Variants in ADORA2A observed in about 807,000 individuals in gnomAD.
ADORA2A encodes adenosine A2a receptor.
A neutral mutation model predicts 18.4 loss-of-function variants in ADORA2A; 11 were observed. That is an observed-to-expected ratio of 0.60 (90% CI 0.38 to 0.99). The LOEUF (loss-of-function observed/expected upper bound fraction) is 0.99. ADORA2A is among the 50% of genes least tolerant of loss of function. The probability of loss-of-function intolerance (pLI) is 0.01; values close to 1 mark genes in which losing one functional copy is unlikely to be tolerated. For synonymous variants in ADORA2A, 218 were observed against 237.3 expected (o/e 0.92, Z 0.75); for missense variants, 449 against 556.1 (o/e 0.81, Z 1.94).
chr22:24,433,085 C>T (rs201806972), intron 1 of ADORA2A, 46 bp from the exon 2 acceptor site: 15 of 469,164 alleles, frequency 3.2e-5, no homozygotes, highest in East Asian at 7.8e-5. Context: ...CCGCAGGGCT[C>T]GCCCTCTGCA....
chr22:24,432,251 A>C (rs565525631), intron 1 of ADORA2A: 2 of 152,894 alleles, frequency 1.3e-5, no homozygotes, highest in African/African-American at 4.8e-5. Context: ...GCGCAGTATG[A>C]GAGGGCTTAC....
At chr22:24,424,826 G>A (rs1022608856), upstream of ADORA2A, among the ~76,000 whole-genome samples, 4 of 152,030 alleles carry the variant, frequency 2.6e-5, no homozygotes, top group Non-Finnish European at 5.9e-5. The surrounding 1 kb of genome is among the most constrained non-coding windows in gnomAD (Gnocchi z 4.9). Flanking sequence ...AGGGCTTGAG[G>A]AGGAGGCCGC....
rs751998595 is a variant in ADORA2A at position 24,433,506 on chromosome 22, C to A, written c.102C>A (p.Asn34Lys). 6.2e-7 allele frequency: 1 copy of A among 1,614,100 alleles called. No homozygotes were observed. The highest frequency in any genetic ancestry group is 8.5e-7 in the Non-Finnish European group (1 of 1,180,058). The change falls in exon 2 of 3, where the codon AAC becomes AAA. Residue 34 changes from asparagine to lysine, a missense_variant. Coordinates refer to ENST00000337539, the MANE Select transcript of ADORA2A (RefSeq NM_000675.6). Reference protein sequence around the residue: ...NVLVCWAVWLNSNLQNVTNYF... With the variant: ...NVLVCWAVWLKSNLQNVTNYF... ...TGGTGTGCTGGGCCGTGTGGCTCAACAGCAACCTGCAGAACGTCACCAACT... is the reference window on the plus strand; with the variant it reads ...TGGTGTGCTGGGCCGTGTGGCTCAAAAGCAACCTGCAGAACGTCACCAACT...
rs1381479523 is a variant in ADORA2A, at chr22:24,441,202, GGCACCAGT to G, written c.955_962del (p.Thr319ProfsTer9). On this transcript the variant is annotated frameshift_variant, in exon 3 of 3. Transcript: ENST00000337539. LOFTEE classifies it low-confidence loss of function (END_TRUNC). ...GCAGCAAGAACCTTTCAAGGCAGCT[GGCACCAGT>G]GCCCGGGTCTTGGCAGCTCATGGCA... 2.5e-6 allele frequency: 4 copies of G among 1,613,996 alleles called. No individual in the cohort carries two copies. In the African/African-American group the frequency reaches 5.3e-5, roughly 22 times the overall value.
At chr22:24,431,320 G>A (rs975124128) in intron 1 of ADORA2A, 9 of 456,688 alleles carry the variant, frequency 2.0e-5, no homozygotes, top group Admixed American at 9.4e-5. Context: ...TCCTAGTAGG[G>A]GCAAAAGGGC....
At chr22:24,431,689 G>C (rs991930293) in intron 1 of ADORA2A, 1 of 357,784 alleles carries the variant, frequency 2.8e-6, no homozygotes, top group Non-Finnish European at 5.5e-6. Context: ...GTTCAGGATT[G>C]GAGGGGGTAG....
rs2043092242 is a variant in ADORA2A at position 24,433,391 on chromosome 22, TGTC to T, written c.-10_-8del. On this transcript the variant is annotated 5_prime_UTR_variant, in exon 2 of 3. Transcript: ENST00000337539. The stretch of plus-strand genomic sequence containing the variant: ...AGCCCGCGTCCGTGCTGAGCCTGCC[TGTC>T]GTCTGTGGCCATGCCCATCATGGGC... The T allele has an allele frequency of 6.2e-7, 1 of 1,600,894 alleles. No homozygotes were observed.
In ADORA2A at chr22:24,441,127, C is replaced by T. The variant is rs142560733; in HGVS notation, c.877C>T (p.Arg293Cys). Reference protein sequence around the residue: ...VNPFIYAYRIREFRQTFRKII... With the variant: ...VNPFIYAYRICEFRQTFRKII... ...TCCCTTCATCTACGCCTACCGTATC[C>T]GCGAGTTCCGCCAGACCTTCCGCAA... Residue 293 changes from arginine (R) to cysteine (C), a missense_variant, in exon 3 of 3, where the codon CGC becomes TGC. By Grantham distance (180) the Arg-to-Cys change is radical (BLOSUM62 -3). Transcript: ENST00000337539. The T allele has an allele frequency of 1.4e-5, 22 of 1,614,044 alleles. No homozygotes were observed. In the Admixed American group the frequency reaches 1.5e-4, roughly 11 times the overall value.
rs1408967991 is a variant in ADORA2A, at chr22:24,441,126, C to T, written c.876C>T (p.Ile292=). The T allele has an allele frequency of 6.2e-7, 1 of 1,614,078 alleles. No homozygotes were observed. Among genetic ancestry groups the T allele is most frequent in the African/African-American group, 1.3e-5 (1 of 74,940 alleles). Residue 292 remains isoleucine (I), a synonymous_variant, in exon 3 of 3, where the codon ATC becomes ATT. Coordinates refer to ENST00000337539, the MANE Select transcript of ADORA2A (RefSeq NM_000675.6). Reference sequence around the variant, plus strand: ...ATCCCTTCATCTACGCCTACCGTATCCGCGAGTTCCGCCAGACCTTCCGCA... The same window carrying T: ...ATCCCTTCATCTACGCCTACCGTATTCGCGAGTTCCGCCAGACCTTCCGCA... The part of the protein sequence containing the change: ...VVNPFIYAYR[I]REFRQTFRKI...
upstream of ADORA2A, among the ~76,000 whole-genome samples, chr22:24,426,263 C>T (rs886269375): frequency 3.9e-5 from 6 of 152,224 alleles, no homozygotes; most frequent in African/African-American, 9.6e-5. Flanking sequence ...CCTTCCCAAC[C>T]GTGTTTGCGG....
intron 2 of ADORA2A, 79 bp downstream of exon 2, chr22:24,433,815 C>A: frequency 2.0e-6 from 3 of 1,471,588 alleles, no homozygotes; most frequent in Non-Finnish European, 1.8e-6. Flanking sequence ...CAGGGTGAGC[C>A]TGGGATCAGG....
Position 24,433,230 on chromosome 22 carries a change from G to C in ADORA2A, c.-175G>C, listed in dbSNP as rs2043086297. The C allele has an allele frequency of 1.6e-6, 1 of 624,236 alleles. No individual in the cohort carries two copies. The highest frequency in any genetic ancestry group is 2.8e-6 in the Non-Finnish European group (1 of 358,950). The allele number at this position is 624,236 out of a possible 1,614,324, so 38.7% of individuals were successfully genotyped here. On this transcript the variant is annotated 5_prime_UTR_variant, in exon 2 of 3. Coordinates refer to ENST00000337539, the MANE Select transcript of ADORA2A (RefSeq NM_000675.6). The stretch of plus-strand genomic sequence containing the variant: ...GAGACTCAGAGTCCTCTGTGAAAAA[G>C]CCCTTGGAGAGCGCCCCAGCAGGGC...
chr22:24,433,562 T>C lies in ADORA2A; in HGVS notation c.158T>C (p.Ile53Thr). ...GTGGTGTCACTGGCGGCGGCCGACA[T>C]CGCAGTGGGTGTGCTCGCCATCCCC... is the stretch of plus-strand genomic sequence containing the variant. Reference protein sequence around the residue: ...YFVVSLAAADIAVGVLAIPFA... With the variant: ...YFVVSLAAADTAVGVLAIPFA... Residue 53 changes from isoleucine to threonine, a missense_variant, in exon 2 of 3, where the codon ATC (isoleucine) becomes ACC (threonine). Physicochemically the swap from Ile to Thr is moderately conservative, Grantham distance 89. Coordinates refer to ENST00000337539, the MANE Select transcript of ADORA2A (RefSeq NM_000675.6). The C allele has an allele frequency of 6.2e-7, 1 of 1,614,092 alleles. No individual in the cohort carries two copies. The highest frequency in any genetic ancestry group is 8.5e-7 in the Non-Finnish European group (1 of 1,180,044).
intron 1 of ADORA2A, chr22:24,431,376 C>T (rs952214469): frequency 6.6e-6 from 3 of 456,570 alleles, no homozygotes; most frequent in African/African-American, 4.0e-5. Flanking sequence ...GGCTGCAGCC[C>T]GTGCCAATCC....
At position 24,434,855 on chromosome 22, in the gene ADORA2A, C is replaced by T. The variant is rs533255824; in HGVS notation, c.332+1119C>T. The stretch of plus-strand genomic sequence containing the variant: ...CTCATCTTCGGGATGGAAAATGAGC[C>T]TCAGAGAAGACAGCCAGCTGTTTCC... On this transcript the variant is annotated intron_variant, in intron 2 of 2. Transcript: ENST00000337539. Among the ~76,000 whole-genome samples, 204 of 152,318 alleles carry T rather than the reference C, an allele frequency of 1.3e-3. 2 individuals are homozygous for T. Among genetic ancestry groups the T allele is most frequent in the African/African-American group, 4.7e-3 (195 of 41,566 alleles).
chr22:24,430,945 A>G (rs1470655957), intron 1 of ADORA2A: 3 of 361,312 alleles, frequency 8.3e-6, no homozygotes, highest in Non-Finnish European at 1.6e-5. Context: ...CCTTGGAGCC[A>G]CAGGCCAGGC....
chr22:24,425,350 C>A (rs934962029), upstream of ADORA2A, among the ~76,000 whole-genome samples: 3 of 139,148 alleles, frequency 2.2e-5, no homozygotes, highest in Non-Finnish European at 4.8e-5. Context: ...CCCCCCCCCC[C>A]CGCCCAACAT....
chr22:24,435,036 T>C (rs1416575287), intron 2 of ADORA2A, among the ~76,000 whole-genome samples: 1 of 152,090 alleles, frequency 6.6e-6, no homozygotes, highest in Non-Finnish European at 1.5e-5. Flanking sequence ...GGGCTCTAAG[T>C]GGGAGCAGGA....
rs1193378958 is a variant in ADORA2A, at chr22:24,440,658, CCTGA to C, written c.411_414del (p.Thr138ProfsTer3). The C allele has an allele frequency of 6.2e-7, 1 of 1,610,878 alleles. No individual in the cohort carries two copies. The highest frequency in any genetic ancestry group is 1.7e-5 in the Admixed American group (1 of 59,944). Reference sequence around the variant, plus strand: ...GCTGGGTGCTGTCGTTTGCCATCGGCCTGACTCCCATGCTAGGTTGGAACAACTG... The same window carrying C: ...GCTGGGTGCTGTCGTTTGCCATCGGCCTCCCATGCTAGGTTGGAACAACTG... On this transcript the variant is annotated frameshift_variant, in exon 3 of 3. Transcript: ENST00000337539. LOFTEE classifies it high-confidence loss of function.
Sources: allele counts gnomAD v4.1 joint callset (sites outside exome capture counted in the v4.1 genomes callset), GRCh38; gene constraint gnomAD v4.1.1; non-coding constraint Gnocchi (gnomAD v3.1); transcripts MANE v1.5; gene names NCBI Gene and HGNC (gene_info 2026-07-23, HGNC 2026-07-21).